CARS1: variants seen among roughly 807,000 people sequenced by gnomAD.
CARS1 encodes cysteine--tRNA ligase, cytoplasmic.
CARS1 carries 48 observed loss-of-function variants against 106.2 expected under a neutral mutation model. The ratio of observed to expected loss-of-function variants is 0.45; its 90% CI spans 0.36 to 0.57. The LOEUF (loss-of-function observed/expected upper bound fraction) is 0.57, where lower values mean the gene tolerates loss of function less well. CARS1 is among the 20% of genes least tolerant of loss of function. The probability of loss-of-function intolerance (pLI) is 0.00; values close to 1 mark genes in which losing one functional copy is unlikely to be tolerated. For missense variants in CARS1, 968 were observed against 1,057.2 expected (o/e 0.92, Z 1.17); for synonymous variants, 409 against 403.4 (o/e 1.01, Z -0.17).
Position 3,043,402 on chromosome 11 carries a change from C to G in CARS1, c.275-1146G>C, listed in dbSNP as rs1055516063. ...TGCCTGCCCTGCCCCCTCAGCAGAT[C>G]CCCACTTTTCTCCACAGTCGTCGCC... is the stretch of plus-strand genomic sequence containing the variant. On this transcript the variant is annotated intron_variant, in intron 2 of 22. Transcript: ENST00000380525. This position sits in a 1 kb window ranked among gnomAD's most constrained non-coding sequence, Gnocchi z 4.0. Among the ~76,000 whole-genome samples the G allele has an allele frequency of 1.3e-5, 2 of 151,990 alleles. No homozygotes were observed. Among genetic ancestry groups the G allele is most frequent in the African/African-American group, 4.8e-5 (2 of 41,342 alleles).
Position 3,040,313 on chromosome 11 carries a change from CA to C in CARS1, c.456-383del, listed in dbSNP as rs1037854894. The C allele has an allele frequency of 3.2e-6, 1 of 313,146 alleles. No homozygotes were observed. Among genetic ancestry groups the C allele is most frequent in the African/African-American group, 2.2e-5 (1 of 45,930 alleles). 19.4% of individuals were successfully genotyped at this position (313,146 alleles called of 1,614,324 possible). A position where few individuals can be genotyped will look rare whatever the true frequency, so the allele number is the denominator to read the frequency against. ...TTTAGTGGTGAAGTTTTTGGGGAATCAAAAGTTATGTGTGGATTTTCAACTG... is the reference window on the plus strand; with the variant it reads ...TTTAGTGGTGAAGTTTTTGGGGAATCAAAGTTATGTGTGGATTTTCAACTG... On this transcript the variant is annotated intron_variant, in intron 4 of 22. Coordinates refer to ENST00000380525, the MANE Select transcript of CARS1 (RefSeq NM_001014437.3). The surrounding 1 kb of genome is among the most constrained non-coding windows in gnomAD (Gnocchi z 5.8).
intron 10 of CARS1, among the ~76,000 whole-genome samples, chr11:3,026,297 A>G (rs1852068073): frequency 6.6e-6 from 1 of 152,194 alleles, no homozygotes. Flanking sequence ...GGGTGACTAT[A>G]GTTACCAAAA....
rs147711719 is a variant in CARS1 at position 3,017,915 on chromosome 11, C to G, written c.1669G>C (p.Val557Leu). ...LNVKDILRAP[V>L]DITGQFEKWG... ...TTCTCAAACTGACCAGTGATGTCAA[C>G]AGGAGCGCGAAGGATATCTTTCACA... The change falls in exon 15 of 23, where the codon GTT becomes CTT. Residue 557 changes from valine to leucine, a missense_variant. Physicochemically the swap from Val to Leu is conservative, Grantham distance 32. Coordinates refer to ENST00000380525, the MANE Select transcript of CARS1 (RefSeq NM_001014437.3). The surrounding 1 kb of genome is among the most constrained non-coding windows in gnomAD (Gnocchi z 4.9). 2 of 1,613,994 alleles carry G rather than the reference C, an allele frequency of 1.2e-6. No homozygotes were observed. The highest frequency in any genetic ancestry group is 2.2e-5 in the East Asian group (1 of 44,874).
At chr11:3,002,296 T>C in intron 21 of CARS1, 2 of 667,810 alleles carry the variant, frequency 3.0e-6, no homozygotes, top group South Asian at 1.9e-5. Flanking sequence ...TAGTAGTAAG[T>C]CTATAAACGC....
intron 1 of CARS1, among the ~76,000 whole-genome samples, chr11:3,055,270 C>T (rs969018281): frequency 2.0e-5 from 3 of 152,168 alleles, no homozygotes; most frequent in Non-Finnish European, 4.4e-5. Flanking sequence ...ACATCATTCT[C>T]CGGCCTCAGC....
intron 19 of CARS1, 42 bp from the exon 20 acceptor site, chr11:3,005,475 G>T: frequency 6.5e-7 from 1 of 1,544,020 alleles, no homozygotes; most frequent in Non-Finnish European, 9.0e-7. Context: ...GGGCTCTGTG[G>T]GCCGTCCCCA....
chr11:3,049,003 G>A (rs931645097), intron 1 of CARS1, among the ~76,000 whole-genome samples: 9 of 152,216 alleles, frequency 5.9e-5, no homozygotes, highest in African/African-American at 1.9e-4. Context: ...AGACAAGGCC[G>A]CCTTGACACA....
rs565147919 is a variant in CARS1, at chr11:3,047,640, C to T, written c.274+113G>A. 207 of 1,407,006 alleles carry T rather than the reference C, an allele frequency of 1.5e-4. No individual in the cohort carries two copies. In the African/African-American group the frequency reaches 2.2e-3, roughly 15 times the overall value. The allele number at this position is 1,407,006 out of a possible 1,614,324, so 87.2% of individuals were successfully genotyped here. A position where few individuals can be genotyped will look rare whatever the true frequency, so the allele number is the denominator to read the frequency against. ...GCCACTTGCTCGAGACACACTTGGG[C>T]GAGGCTCCCTCTGGGGTATCCGCAG... On this transcript the variant is annotated intron_variant, in intron 2 of 22. Coordinates refer to ENST00000380525, the MANE Select transcript of CARS1 (RefSeq NM_001014437.3).
intron 18 of CARS1, 79 bp from the exon 19 acceptor site, chr11:3,007,038 G>A (rs899851675): frequency 7.4e-6 from 9 of 1,213,540 alleles, no homozygotes; most frequent in Non-Finnish European, 1.1e-5. Flanking sequence ...CAGTGCTGGG[G>A]AAGGAGGGGC....
At position 3,048,884 on chromosome 11, in the gene CARS1, C is replaced by T. The variant is rs1004533544; in HGVS notation, c.26-883G>A. On this transcript the variant is annotated intron_variant, in intron 1 of 22. Coordinates refer to ENST00000380525, the MANE Select transcript of CARS1 (RefSeq NM_001014437.3). This position sits in a 1 kb window ranked among gnomAD's most constrained non-coding sequence, Gnocchi z 5.1. ...TCCTTAGAGCCTTCAAAGCAGTAAG[C>T]GTGCACCTCCACCACTCAGGTGTGT... 3.9e-5 allele frequency among the ~76,000 whole-genome samples: 6 copies of T among 152,318 alleles called. No homozygotes were observed. The highest frequency in any genetic ancestry group is 4.1e-4 in the South Asian group (2 of 4,832).
chr11:3,018,592 G>A (rs373853489), intron 13 of CARS1, 28 bp downstream of exon 13: 149 of 1,613,504 alleles, frequency 9.2e-5, no homozygotes, highest in Non-Finnish European at 1.2e-4. Flanking sequence ...AGGTGGTTGG[G>A]GGGTCTGTGG....
chr11:3,005,591 C>T (rs1384645812), intron 19 of CARS1, among the ~76,000 whole-genome samples, 158 bp from the exon 20 acceptor site: 1 of 151,400 alleles, frequency 6.6e-6, no homozygotes, highest in Non-Finnish European at 1.5e-5. Flanking sequence ...TCCATAGCAG[C>T]AGTGAAGCAC....
chr11:3,010,166 A>C (rs1243525316), intron 18 of CARS1, among the ~76,000 whole-genome samples: 1 of 152,238 alleles, frequency 6.6e-6, no homozygotes, highest in East Asian at 1.9e-4. Context: ...TCCAGGCCTG[A>C]GCAAGTCCTG....
Position 3,005,507 on chromosome 11 carries a change from G to GCCCT in CARS1, c.2150-78_2150-75dup. On this transcript the variant is annotated intron_variant, in intron 19 of 22. Coordinates refer to ENST00000380525, the MANE Select transcript of CARS1 (RefSeq NM_001014437.3). ...CCCACTGCGGGGCCAGCCCTGCCCT[G>GCCCT]CCCTGCCCTGCCCAGACCATGCGGT... 7.0e-6 allele frequency: 8 copies of GCCCT among 1,141,418 alleles called. No homozygotes were observed. The South Asian group carries it at 7.7e-5, about 11-fold the overall frequency. The allele number at this position is 1,141,418 out of a possible 1,614,324, so 70.7% of individuals were successfully genotyped here. A position where few individuals can be genotyped will look rare whatever the true frequency, so the allele number is the denominator to read the frequency against.
chr11:3,006,412 C>T (rs1849870945), intron 19 of CARS1, among the ~76,000 whole-genome samples: 1 of 152,246 alleles, frequency 6.6e-6, no homozygotes. Context: ...CGCCACTGTA[C>T]TCCGGCCTGG....
intron 18 of CARS1, chr11:3,007,349 T>G (rs1340916160): frequency 4.7e-6 from 1 of 214,208 alleles, no homozygotes; most frequent in African/African-American, 2.3e-5. Flanking sequence ...GTGCTAACAC[T>G]CTTCATCTGA....
chr11:3,033,428 A>G (rs1434194009), intron 7 of CARS1, among the ~76,000 whole-genome samples: 1 of 152,242 alleles, frequency 6.6e-6, no homozygotes, highest in African/African-American at 2.4e-5. Context: ...ATGAAAAAGT[A>G]CCATCCAATT....
intron 10 of CARS1, among the ~76,000 whole-genome samples, chr11:3,023,275 C>G (rs1352895629): frequency 6.6e-6 from 1 of 152,174 alleles, no homozygotes; most frequent in Admixed American, 6.5e-5. Context: ...TCCCTCCCGG[C>G]ATCTAAGTGT....
Position 3,019,209 on chromosome 11 carries a change from G to A in CARS1, c.1325C>T (p.Ser442Leu), listed in dbSNP as rs764965330. The A allele has an allele frequency of 2.3e-5, 35 of 1,531,246 alleles. No homozygotes were observed. The highest frequency in any genetic ancestry group is 1.5e-4 in the South Asian group (12 of 78,046). 94.9% of individuals were successfully genotyped at this position (1,531,246 alleles called of 1,614,324 possible). Residue 442 changes from serine (S) to leucine (L), a missense_variant, in exon 12 of 23, where the codon TCG (serine) becomes TTG (leucine). Coordinates refer to ENST00000380525, the MANE Select transcript of CARS1 (RefSeq NM_001014437.3). The surrounding 1 kb of genome is among the most constrained non-coding windows in gnomAD (Gnocchi z 6.2). Reference sequence around the variant, plus strand: ...GAACCCACCTCCGTGAATGTCCATCGAAGCCCCTAGGAGGGTGCCTGCCAT... The same window carrying A: ...GAACCCACCTCCGTGAATGTCCATCAAAGCCCCTAGGAGGGTGCCTGCCAT... ...SAMAGTLLGASMDIHGGGFDL... is the reference protein window; with the variant it reads ...SAMAGTLLGALMDIHGGGFDL...
Sources: allele counts gnomAD v4.1 joint callset (sites outside exome capture counted in the v4.1 genomes callset), GRCh38; gene constraint gnomAD v4.1.1; non-coding constraint Gnocchi (gnomAD v3.1); transcripts MANE v1.5; gene names NCBI Gene and HGNC (gene_info 2026-07-23, HGNC 2026-07-21).